The following IRAK3 variants were observed in gnomAD, a reference collection of about 807,000 sequenced individuals.
IRAK3 encodes interleukin 1 receptor associated kinase 3.
A neutral mutation model predicts 56.6 loss-of-function variants in IRAK3; 57 were observed. The observed-to-expected ratio is 1.01, with a 90% CI of 0.81 to 1.26. The LOEUF is 1.26. Among genes scored for constraint, IRAK3 ranks in the 50% most tolerant of loss-of-function variants. The pLI, the probability that IRAK3 is intolerant of heterozygous loss-of-function variation, is 0.00. For missense variants in IRAK3, 703 were observed against 719.0 expected, an observed-to-expected ratio of 0.98 and a Z score of 0.25; for synonymous variants, 258 against 255.7, an observed-to-expected ratio of 1.01 and a Z score of -0.09.
In IRAK3 at chr12:66,189,747, A is replaced by G. The variant is rs958971215; in HGVS notation, c.133+315A>G. ...GCGATGCCACCCTCACTGGGTTCGCAATGTATGATGTCTTCTGGTCCTTGC... is the reference window on the plus strand; with the variant it reads ...GCGATGCCACCCTCACTGGGTTCGCGATGTATGATGTCTTCTGGTCCTTGC... On this transcript the variant is annotated intron_variant, in intron 1 of 11. Transcript: ENST00000261233. Among the ~76,000 whole-genome samples the G allele has an allele frequency of 3.3e-5, 5 of 152,202 alleles. No homozygotes were observed. The East Asian group carries it at 9.6e-4, about 29-fold the overall frequency.
At chr12:66,219,092 T>C (rs2052706207) in intron 6 of IRAK3, among the ~76,000 whole-genome samples, 1 of 152,128 alleles carries the variant, frequency 6.6e-6, no homozygotes, top group Non-Finnish European at 1.5e-5. Flanking sequence ...TCTTTATCCA[T>C]TCCTCTGTCA....
At chr12:66,199,471 G>T (rs189396742) in intron 1 of IRAK3, among the ~76,000 whole-genome samples, 87 of 152,278 alleles carry the variant, frequency 5.7e-4, no homozygotes, top group Non-Finnish European at 4.4e-5. Flanking sequence ...ATCTGAAACT[G>T]TAGTGATTAT....
At chr12:66,200,172 G>A (rs1207964790) in intron 1 of IRAK3, among the ~76,000 whole-genome samples, 8 of 152,216 alleles carry the variant, frequency 5.3e-5, no homozygotes, top group Non-Finnish European at 8.8e-5. Flanking sequence ...TCTGGTACAA[G>A]TTGTAACAGA....
chr12:66,203,884 A>C lies in IRAK3; in HGVS notation c.307A>C (p.Thr103Pro). ...MGHRRAIHLI[T>P]NYGAVLSPSE... ...ACATCGTCGAGCTATTCATTTAATT[A>C]CAAACTATGGTAAATGCTGATTCTT... The change falls in exon 2 of 12, where the codon ACA becomes CCA. Residue 103 changes from threonine to proline, a missense_variant. Transcript: ENST00000261233. 1 of 1,613,152 alleles carries C rather than the reference A, an allele frequency of 6.2e-7. No homozygotes were observed. Among genetic ancestry groups the C allele is most frequent in the Non-Finnish European group, 8.5e-7 (1 of 1,179,082 alleles).
intron 1 of IRAK3, among the ~76,000 whole-genome samples, chr12:66,194,512 A>G (rs2052430247): frequency 6.6e-6 from 1 of 152,074 alleles, no homozygotes. Context: ...TTCTTCTTGA[A>G]GTGCTTTCTC....
rs1315001438 is a variant in IRAK3 at position 66,250,563 on chromosome 12, T to C, written c.*2392T>C. The C allele has an allele frequency of 1.3e-5, 2 of 152,230 alleles. No individual in the cohort carries two copies. The highest frequency in any genetic ancestry group is 2.9e-5 in the Non-Finnish European group (2 of 68,048). The allele number at this position is 152,230 out of a possible 1,614,324, so 9.4% of individuals were successfully genotyped here. A position where few individuals can be genotyped will look rare whatever the true frequency, so the allele number is the denominator to read the frequency against. On this transcript the variant is annotated 3_prime_UTR_variant, in exon 12 of 12. Coordinates refer to ENST00000261233, the MANE Select transcript of IRAK3 (RefSeq NM_007199.3). ...ACTGCTCTGTACGGTATCTGGCTGC[T>C]CAGAGCTCTCTGATTCACAAAAGAG...
At chr12:66,198,685 T>A (rs568431568) in intron 1 of IRAK3, among the ~76,000 whole-genome samples, 5 of 152,252 alleles carry the variant, frequency 3.3e-5, no homozygotes, top group Admixed American at 1.3e-4. Context: ...TTACTATGAA[T>A]TTATATGATA....
intron 6 of IRAK3, among the ~76,000 whole-genome samples, chr12:66,220,297 A>C (rs1412139467): frequency 6.6e-6 from 1 of 151,900 alleles, no homozygotes; most frequent in Non-Finnish European, 1.5e-5. Context: ...CCATTTATTG[A>C]AGATAATTTT....
chr12:66,240,243 AAACAGG>A (rs2052952659), intron 8 of IRAK3, among the ~76,000 whole-genome samples: 1 of 152,182 alleles, frequency 6.6e-6, no homozygotes, highest in South Asian at 2.1e-4. Context: ...ACCAACAGGG[AAACAGG>A]CTTAGGGGGG....
chr12:66,192,278 T>C (rs2052406724), intron 1 of IRAK3, among the ~76,000 whole-genome samples: 1 of 152,232 alleles, frequency 6.6e-6, no homozygotes. Flanking sequence ...ACTCTTCAAA[T>C]CACTTTTGTC....
chr12:66,203,127 G>A (rs1362276910), intron 1 of IRAK3, among the ~76,000 whole-genome samples: 1 of 152,004 alleles, frequency 6.6e-6, no homozygotes, highest in African/African-American at 2.4e-5. Flanking sequence ...AAATATTAGT[G>A]GCCCAAATCT....
At chr12:66,212,253 G>T (rs1349930948) in intron 5 of IRAK3, among the ~76,000 whole-genome samples, 1 of 152,156 alleles carries the variant, frequency 6.6e-6, no homozygotes, top group Non-Finnish European at 1.5e-5. Flanking sequence ...CCACAGTTTG[G>T]CATTTGGTAC....
chr12:66,233,124 A>G (rs2052861600), intron 8 of IRAK3, among the ~76,000 whole-genome samples: 1 of 152,180 alleles, frequency 6.6e-6, no homozygotes, highest in Non-Finnish European at 1.5e-5. Flanking sequence ...AGCATTCTAC[A>G]TCATTAGTTT....
At chr12:66,194,416 C>T (rs1234926115) in intron 1 of IRAK3, among the ~76,000 whole-genome samples, 2 of 152,206 alleles carry the variant, frequency 1.3e-5, no homozygotes, top group South Asian at 2.1e-4. Context: ...ATTGAAAGTC[C>T]TGTCATCTGA....
At chr12:66,215,786 G>A (rs1166161083) in intron 5 of IRAK3, among the ~76,000 whole-genome samples, 1 of 122,908 alleles carries the variant, frequency 8.1e-6, no homozygotes, top group African/African-American at 3.1e-5. Flanking sequence ...AACCCAACAT[G>A]CACACACACA....
chr12:66,246,386 T>C (rs896124153), intron 11 of IRAK3, among the ~76,000 whole-genome samples: 18 of 152,188 alleles, frequency 1.2e-4, no homozygotes. Context: ...ATGAATTCCA[T>C]TCTAGGAGTT....
chr12:66,215,785 T>TGCACGTGCACGTGCACGTGCGCGCGC (rs150339586), intron 5 of IRAK3, among the ~76,000 whole-genome samples: 2 of 31,176 alleles, frequency 6.4e-5, no homozygotes, highest in Non-Finnish European at 1.3e-4. Context: ...TAACCCAACA[T>TGCACGTGCACGTGCACGTGCGCGCGC]GCACACACAC....
intron 1 of IRAK3, among the ~76,000 whole-genome samples, chr12:66,200,596 T>C (rs1421444389): frequency 6.6e-6 from 1 of 152,206 alleles, no homozygotes; most frequent in Non-Finnish European, 1.5e-5. Context: ...GTGAACACTT[T>C]CAATTTTCAG....
intron 8 of IRAK3, chr12:66,235,341 G>T: frequency 9.3e-7 from 1 of 1,073,950 alleles, no homozygotes. Context: ...GCGCGGGGCA[G>T]CCTCGCCGCG....
Sources: allele counts gnomAD v4.1 joint callset (sites outside exome capture counted in the v4.1 genomes callset), GRCh38; gene constraint gnomAD v4.1.1; transcripts MANE v1.5; gene names NCBI Gene and HGNC (gene_info 2026-07-23, HGNC 2026-07-21).